The following CNTN6 variants were observed in gnomAD, a reference collection of about 807,000 sequenced individuals.
CNTN6 encodes the protein contactin 6.
CNTN6 carries 137 observed loss-of-function variants against 122.8 expected under a neutral mutation model. The ratio of observed to expected loss-of-function variants is 1.12; its 90% CI spans 0.97 to 1.29. CNTN6 has a LOEUF of 1.29. Among genes scored for constraint, CNTN6 ranks in the 50% most tolerant of loss-of-function variants. The pLI, the probability that CNTN6 is intolerant of heterozygous loss-of-function variation, is 0.00. For synonymous variants in CNTN6, 570 were observed against 426.0 expected (o/e 1.34, Z -4.16); for missense variants, 1,634 against 1,223.4 (o/e 1.34, Z -5.01).
intron 2 of CNTN6, among the ~76,000 whole-genome samples, chr3:1,212,827 G>A (rs567841388): frequency 2.0e-5 from 3 of 151,940 alleles, no homozygotes; most frequent in Non-Finnish European, 2.9e-5. Context: ...TACAGTATGA[G>A]AAAAATCTAA....
chr3:1,252,377 A>G (rs2094685832), intron 4 of CNTN6, among the ~76,000 whole-genome samples: 1 of 152,136 alleles, frequency 6.6e-6, no homozygotes, highest in African/African-American at 2.4e-5. Flanking sequence ...ATTCCTGACA[A>G]TATATAACAT....
chr3:1,380,058 A>G (rs1710438510), intron 17 of CNTN6, among the ~76,000 whole-genome samples: 1 of 152,208 alleles, frequency 6.6e-6, no homozygotes, highest in South Asian at 2.1e-4. Context: ...GAAAGACACC[A>G]TCAGAACTGA....
At chr3:1,270,915 CT>C (rs1381588630) in intron 4 of CNTN6, among the ~76,000 whole-genome samples, 1 of 149,142 alleles carries the variant, frequency 6.7e-6, no homozygotes, top group Non-Finnish European at 1.5e-5. Context: ...TTTGTTCTTG[CT>C]TTTTGAGACA....
chr3:1,345,822 C>T (rs541619598), intron 11 of CNTN6, among the ~76,000 whole-genome samples: 38 of 152,090 alleles, frequency 2.5e-4, no homozygotes, highest in Non-Finnish European at 4.6e-4. Context: ...TTTACATTTT[C>T]CAAATATCAG....
At chr3:1,320,023 T>C (rs1700632627) in intron 7 of CNTN6, among the ~76,000 whole-genome samples, 1 of 151,650 alleles carries the variant, frequency 6.6e-6, no homozygotes, top group African/African-American at 2.4e-5. Context: ...TTCTAGAATT[T>C]CGTTCTTATT....
intron 8 of CNTN6, among the ~76,000 whole-genome samples, chr3:1,325,606 C>T (rs1353125579): frequency 6.6e-6 from 1 of 151,916 alleles, no homozygotes; most frequent in Non-Finnish European, 1.5e-5. Flanking sequence ...AAACATTTAA[C>T]TTGAGCCAAA....
At chr3:1,152,214 C>T (rs1315523174) in intron 2 of CNTN6, among the ~76,000 whole-genome samples, 2 of 152,040 alleles carry the variant, frequency 1.3e-5, no homozygotes, top group Non-Finnish European at 2.9e-5. Context: ...TATCAGCTCA[C>T]TGCAACCTCC....
At chr3:1,144,584 AT>A (rs58446266) in intron 1 of CNTN6, among the ~76,000 whole-genome samples, 60,554 of 147,430 alleles carry the variant, frequency 0.41, 12,203 homozygotes, top group South Asian at 0.59. Flanking sequence ...TCATTAAAAA[AT>A]AATAATAATA....
intron 5 of CNTN6, among the ~76,000 whole-genome samples, chr3:1,294,537 C>T (rs925662619): frequency 3.9e-5 from 6 of 152,110 alleles, no homozygotes; most frequent in East Asian, 1.9e-4. Flanking sequence ...AGTGATTAAA[C>T]GGAACACAAG....
intron 1 of CNTN6, among the ~76,000 whole-genome samples, chr3:1,115,604 T>C (rs939451402): frequency 6.6e-6 from 1 of 151,916 alleles, no homozygotes; most frequent in Non-Finnish European, 1.5e-5. Context: ...AAAAAAAAAT[T>C]AGCCGGGCAT....
intron 1 of CNTN6, among the ~76,000 whole-genome samples, chr3:1,101,023 T>C (rs1393361132): frequency 6.6e-6 from 1 of 152,182 alleles, no homozygotes; most frequent in Non-Finnish European, 1.5e-5. Context: ...CTTGTTTGAG[T>C]TGTGTATGCT....
chr3:1,194,782 G>A (rs1032091549), intron 2 of CNTN6, among the ~76,000 whole-genome samples: 1 of 152,050 alleles, frequency 6.6e-6, no homozygotes, highest in Non-Finnish European at 1.5e-5. Context: ...CCTTGGGGGT[G>A]ATGTCAACTC....
At chr3:1,161,635 A>G (rs2093134624) in intron 2 of CNTN6, among the ~76,000 whole-genome samples, 1 of 151,784 alleles carries the variant, frequency 6.6e-6, no homozygotes, top group Admixed American at 6.6e-5. Flanking sequence ...CTGTTGAGCT[A>G]TGTTTTATTT....
chr3:1,126,519 T>G (rs533650791), intron 1 of CNTN6, among the ~76,000 whole-genome samples: 1 of 152,004 alleles, frequency 6.6e-6, no homozygotes, highest in African/African-American at 2.4e-5. Context: ...CTCTTCATAC[T>G]TATCACAATC....
At position 1,372,281 on chromosome 3, in the gene CNTN6, A is replaced by T. The variant is rs182077459; in HGVS notation, c.1493-18A>T. The T allele has an allele frequency of 2.0e-5, 31 of 1,573,922 alleles. No individual in the cohort carries two copies. The South Asian group carries it at 2.2e-4, about 11-fold the overall frequency. On this transcript the variant is annotated intron_variant, in intron 12 of 22. Transcript: ENST00000446702. The stretch of plus-strand genomic sequence containing the variant: ...TAGCATTTCATAAGCTTTAAAAAAT[A>T]ATTTTTTTTCTCAACAGAGAGAACT...
intron 2 of CNTN6, among the ~76,000 whole-genome samples, chr3:1,197,632 C>A (rs764540928): frequency 6.6e-6 from 1 of 152,114 alleles, no homozygotes; most frequent in African/African-American, 2.4e-5. Context: ...AAAATGTGCA[C>A]TTATGTGGAG....
rs978029615 is a variant in CNTN6, at chr3:1,212,300, G to A, written c.56-8387G>A. 2.9e-5 allele frequency among the ~76,000 whole-genome samples: 4 copies of A among 136,506 alleles called. No homozygotes were observed. The South Asian group carries it at 7.0e-4, about 24-fold the overall frequency. 89.6% of individuals were successfully genotyped at this position (136,506 alleles called of 152,430 possible). ...TAAGGTCTTGAACTTCTGGGCTCAAGCAATCTGCCCGTCTTGGCCTCCCAA... is the reference window on the plus strand; with the variant it reads ...TAAGGTCTTGAACTTCTGGGCTCAAACAATCTGCCCGTCTTGGCCTCCCAA... On this transcript the variant is annotated intron_variant, in intron 2 of 22. Transcript: ENST00000446702.
intron 4 of CNTN6, among the ~76,000 whole-genome samples, chr3:1,259,512 T>C (rs948238798): frequency 6.6e-6 from 1 of 152,132 alleles, no homozygotes; most frequent in African/African-American, 2.4e-5. Flanking sequence ...TAAATGTAAT[T>C]ATTTAATTTC....
At chr3:1,186,282 T>C (rs990855292) in intron 2 of CNTN6, among the ~76,000 whole-genome samples, 6 of 152,148 alleles carry the variant, frequency 3.9e-5, no homozygotes, top group Non-Finnish European at 7.3e-5. Flanking sequence ...GATTCATAGG[T>C]ACATGTTTAA....
Sources: allele counts gnomAD v4.1 joint callset (sites outside exome capture counted in the v4.1 genomes callset), GRCh38; gene constraint gnomAD v4.1.1; transcripts MANE v1.5; gene names NCBI Gene and HGNC (gene_info 2026-07-23, HGNC 2026-07-21).